The following FAT4 variants were observed in gnomAD, a reference collection of about 807,000 sequenced individuals.
The protein encoded by FAT4 is protocadherin Fat 4.
FAT4 carries 84 observed loss-of-function variants against 303.9 expected under a neutral mutation model. That is an observed-to-expected ratio of 0.28 (90% CI 0.23 to 0.33). The LOEUF (loss-of-function observed/expected upper bound fraction) is 0.33. Ranked by LOEUF, FAT4 falls within the 10% of genes least tolerant of loss-of-function variation. The pLI is 1.00. For synonymous variants in FAT4, 2,307 were observed against 2,298.8 expected (o/e 1.00, Z -0.10); for missense variants, 6,005 against 6,146.8 (o/e 0.98, Z 0.77).
intron 17 of FAT4, among the ~76,000 whole-genome samples, chr4:125,488,123 G>A (rs1330778259): frequency 6.6e-6 from 1 of 152,226 alleles, no homozygotes; most frequent in African/African-American, 2.4e-5. Flanking sequence ...GAATTGACAT[G>A]TATACATAAA....
intron 7 of FAT4, among the ~76,000 whole-genome samples, chr4:125,417,662 A>C (rs922510983): frequency 5.3e-5 from 8 of 152,192 alleles, no homozygotes; most frequent in African/African-American, 1.9e-4. Flanking sequence ...CAAAGCTTTA[A>C]AAATGATGCT....
intron 2 of FAT4, among the ~76,000 whole-genome samples, chr4:125,346,162 C>T (rs1193735895): frequency 6.6e-6 from 1 of 152,026 alleles, no homozygotes; most frequent in Non-Finnish European, 1.5e-5. Flanking sequence ...CACGGTAGAG[C>T]AACCTGTATT....
chr4:125,454,464 T>G (rs558942086), intron 10 of FAT4, among the ~76,000 whole-genome samples: 1 of 152,360 alleles, frequency 6.6e-6, no homozygotes, highest in South Asian at 2.1e-4. Flanking sequence ...TGATTCTTCA[T>G]TTCTCTGTCC....
At chr4:125,390,219 A>G (rs1316511047) in intron 2 of FAT4, among the ~76,000 whole-genome samples, 2 of 152,142 alleles carry the variant, frequency 1.3e-5, no homozygotes, top group Non-Finnish European at 2.9e-5. Context: ...TACGAAATTT[A>G]ACTCTATACT....
chr4:125,339,895 CTATAA>C (rs1252970790), intron 2 of FAT4, among the ~76,000 whole-genome samples: 4 of 151,934 alleles, frequency 2.6e-5, no homozygotes, highest in Non-Finnish European at 5.9e-5. Context: ...TATTGTACAT[CTATAA>C]TATAATTGTA....
At chr4:125,486,109 CAATT>C (rs1727401041) in intron 16 of FAT4, among the ~76,000 whole-genome samples, 1 of 148,098 alleles carries the variant, frequency 6.8e-6, no homozygotes, top group Non-Finnish European at 1.5e-5. Flanking sequence ...ATGATGAAAT[CAATT>C]AGGAGGAAAG....
rs368599799 is a variant in FAT4 at position 125,406,839 on chromosome 4, T to G, written c.5308-41T>G. 35 of 1,591,100 alleles carry G rather than the reference T, an allele frequency of 2.2e-5. No homozygotes were observed. The African/African-American group carries it at 2.8e-4, about 13-fold the overall frequency. On this transcript the variant is annotated intron_variant, in intron 3 of 17. Transcript: ENST00000394329. ...AAAGAAAATATAAGGAGCAATGCTT[T>G]TCTACTTCCAATAGCTCAGATGCTT...
chr4:125,480,253 C>T (rs1157319042), intron 15 of FAT4, among the ~76,000 whole-genome samples: 1 of 152,028 alleles, frequency 6.6e-6, no homozygotes, highest in Non-Finnish European at 1.5e-5. Flanking sequence ...GGTATACACA[C>T]TAAATCACTC....
chr4:125,409,461 G>T (rs1198550497), intron 5 of FAT4, among the ~76,000 whole-genome samples: 1 of 151,996 alleles, frequency 6.6e-6, no homozygotes. Flanking sequence ...TCTCCATGTT[G>T]GTCAGGCTAA....
Position 125,415,669 on chromosome 4 carries a change from A to G in FAT4, c.6706A>G (p.Ser2236Gly). Residue 2236 changes from serine to glycine, a missense_variant, in exon 6 of 18, where the codon AGC becomes GGC. Ser to Gly is a moderately conservative substitution (Grantham distance 56). Transcript: ENST00000394329. Reference protein sequence around the residue: ...HLTVQATDRGSTPRTDTSTVS... With the variant: ...HLTVQATDRGGTPRTDTSTVS... ...AACTGTTCAGGCAACAGATCGAGGC[A>G]GCACACCCAGAACTGATACCTCCAC... 1 of 1,614,082 alleles carries G rather than the reference A, an allele frequency of 6.2e-7. No homozygotes were observed. Among genetic ancestry groups the G allele is most frequent in the East Asian group, 2.2e-5 (1 of 44,858 alleles).
chr4:125,317,362 C>A lies in FAT4; in HGVS notation c.951C>A (p.Arg317=), dbSNP rs1489060414. 1 of 1,613,162 alleles carries A rather than the reference C, an allele frequency of 6.2e-7. No homozygotes were observed. The highest frequency in any genetic ancestry group is 8.5e-7 in the Non-Finnish European group (1 of 1,179,936). Residue 317 remains arginine, a synonymous_variant, in exon 2 of 18, where the codon CGC becomes CGA. Coordinates refer to ENST00000394329, the MANE Select transcript of FAT4 (RefSeq NM_001291303.3). The surrounding 1 kb of genome is among the most constrained non-coding windows in gnomAD (Gnocchi z 7.0). ...VREPLDFEAR[R]QYSLTVQAMD... ...AGCCCCTGGACTTCGAAGCTCGGCG[C>A]CAATACTCGCTTACGGTGCAGGCGA... is the stretch of plus-strand genomic sequence containing the variant.
rs982327936 is a variant in FAT4 at position 125,451,859 on chromosome 4, C to T, written c.10849C>T (p.Arg3617Trp). ...CCAAAATGACAATCCTTCACAGTCTCGGACGGTGGAGATATTTGTTAATTA... is the reference window on the plus strand; with the variant it reads ...CCAAAATGACAATCCTTCACAGTCTTGGACGGTGGAGATATTTGTTAATTA... ...IDQNDNPSQSRTVEIFVNYYG... is the reference protein window; with the variant it reads ...IDQNDNPSQSWTVEIFVNYYG... Residue 3617 changes from arginine to tryptophan, a missense_variant, in exon 10 of 18, where the codon CGG becomes TGG. Arg to Trp is a moderately radical substitution (Grantham distance 101). Transcript: ENST00000394329. 8.7e-6 allele frequency: 14 copies of T among 1,613,878 alleles called. No homozygotes were observed. Among genetic ancestry groups the T allele is most frequent in the Middle Eastern group, 1.6e-4 (1 of 6,084 alleles).
chr4:125,429,685 AAC>A (rs1164850590), intron 7 of FAT4, among the ~76,000 whole-genome samples: 9 of 152,212 alleles, frequency 5.9e-5, no homozygotes, highest in Non-Finnish European at 1.2e-4. Flanking sequence ...AAATATGTAT[AAC>A]ACATGCATGT....
rs1192747691 is a variant in FAT4, at chr4:125,315,664, C to T, written c.-326C>T. On this transcript the variant is annotated 5_prime_UTR_variant, in exon 1 of 18. Coordinates refer to ENST00000394329, the MANE Select transcript of FAT4 (RefSeq NM_001291303.3). ...GAAGCCGCAACAGGGGCGGCGGCGG[C>T]GGCGGCTGCAGGAGGGGAAGGGGCA... Among the ~76,000 whole-genome samples the T allele has an allele frequency of 6.6e-6, 1 of 152,164 alleles. No homozygotes were observed. Among genetic ancestry groups the T allele is most frequent in the Non-Finnish European group, 1.5e-5 (1 of 68,024 alleles).
chr4:125,420,567 T>A (rs1017693517), intron 7 of FAT4, among the ~76,000 whole-genome samples: 14 of 152,230 alleles, frequency 9.2e-5, no homozygotes, highest in African/African-American at 3.4e-4. Context: ...TGGCTGAAAT[T>A]CCAGAAGTTT....
Position 125,452,135 on chromosome 4 carries a change from G to A in FAT4, c.11125G>A (p.Ala3709Thr). Residue 3709 changes from alanine to threonine, a missense_variant, in exon 10 of 18, where the codon GCC becomes ACC. Physicochemically the swap from Ala to Thr is moderately conservative, Grantham distance 58. Transcript: ENST00000394329. ...AGTTTTCTTTGCTGGATTTTCCAAT[G>A]CCACAGTGGATAACAGCATCTTACT... ...IRVFFAGFSN[A>T]TVDNSILLRL... 6.2e-7 allele frequency: 1 copy of A among 1,614,192 alleles called. No individual in the cohort carries two copies. Among genetic ancestry groups the A allele is most frequent in the South Asian group, 1.1e-5 (1 of 91,082 alleles).
intron 11 of FAT4, among the ~76,000 whole-genome samples, chr4:125,465,388 C>T (rs1230560873): frequency 6.6e-6 from 1 of 152,032 alleles, no homozygotes; most frequent in Non-Finnish European, 1.5e-5. Context: ...TACAGATAAC[C>T]ACAGTCAAAT....
At chr4:125,483,936 G>A (rs1008519638) in intron 16 of FAT4, among the ~76,000 whole-genome samples, 1 of 96,790 alleles carries the variant, frequency 1.0e-5, no homozygotes, top group African/African-American at 4.2e-5. Context: ...CCAGGGTTCC[G>A]TTTTTTTTTT....
At chr4:125,363,126 A>T (rs2125986259) in intron 2 of FAT4, among the ~76,000 whole-genome samples, 1 of 152,280 alleles carries the variant, frequency 6.6e-6, no homozygotes, top group Non-Finnish European at 1.5e-5. Flanking sequence ...CAACAATAAA[A>T]ATTGTATACA....
Sources: allele counts gnomAD v4.1 joint callset (sites outside exome capture counted in the v4.1 genomes callset), GRCh38; gene constraint gnomAD v4.1.1; non-coding constraint Gnocchi (gnomAD v3.1); transcripts MANE v1.5; gene names NCBI Gene and HGNC (gene_info 2026-07-23, HGNC 2026-07-21).